The following KAZN variants were observed in gnomAD, a reference collection of about 807,000 sequenced individuals.
The protein encoded by KAZN is kazrin.
A neutral mutation model predicts 87.4 loss-of-function variants in KAZN; 40 were observed. That is an observed-to-expected ratio of 0.46 (90% CI 0.36 to 0.60). The LOEUF (loss-of-function observed/expected upper bound fraction) is 0.60, where lower values mean the gene tolerates loss of function less well. Ranked by LOEUF, KAZN falls within the 20% of genes least tolerant of loss-of-function variation. KAZN has a pLI of 0.00. For missense variants in KAZN, 898 were observed against 1,073.9 expected (o/e 0.84, Z 2.29); for synonymous variants, 466 against 458.3 (o/e 1.02, Z -0.22).
intron 2 of KAZN, among the ~76,000 whole-genome samples, chr1:14,297,982 T>C (rs1172102999): frequency 6.6e-6 from 1 of 152,078 alleles, no homozygotes; most frequent in Non-Finnish European, 1.5e-5. Flanking sequence ...TCCCAGCACT[T>C]TGGGAGGCCG....
At position 15,024,130 on chromosome 1, in the gene KAZN, C is replaced by A. The variant is rs183542328; in HGVS notation, c.419-10619C>A. 4.6e-3 allele frequency among the ~76,000 whole-genome samples: 699 copies of A among 152,148 alleles called. 4 individuals are homozygous for A. Among genetic ancestry groups the A allele is most frequent in the African/African-American group, 0.016 (657 of 41,498 alleles). On this transcript the variant is annotated intron_variant, in intron 2 of 14. Coordinates refer to ENST00000376030, the MANE Select transcript of KAZN (RefSeq NM_201628.3). The stretch of plus-strand genomic sequence containing the variant: ...TTCAGGGATGAGGTCCAGGCTGAAG[C>A]CTGTGGTTGGACTGAAGCCACCAAT...
intron 1 of KAZN, among the ~76,000 whole-genome samples, chr1:14,113,002 G>A (rs1644532727): frequency 6.6e-6 from 1 of 152,206 alleles, no homozygotes; most frequent in African/African-American, 2.4e-5. Flanking sequence ...TTGCCCAAGT[G>A]TCTAAAGTGA....
At chr1:14,706,253 T>A (rs1642202479) in intron 1 of KAZN, among the ~76,000 whole-genome samples, 1 of 152,126 alleles carries the variant, frequency 6.6e-6, no homozygotes, top group African/African-American at 2.4e-5. Context: ...TATAATTATT[T>A]CATTATATAT....
chr1:14,827,695 G>A (rs1245287406), intron 1 of KAZN, among the ~76,000 whole-genome samples: 3 of 152,214 alleles, frequency 2.0e-5, no homozygotes, highest in African/African-American at 7.2e-5. Flanking sequence ...TGGCCCTTTG[G>A]AGAATGTTCA....
At chr1:14,680,128 T>C (rs753385263) in intron 1 of KAZN, among the ~76,000 whole-genome samples, 1 of 152,200 alleles carries the variant, frequency 6.6e-6, no homozygotes, top group Admixed American at 6.5e-5. Context: ...AGTGACTCTT[T>C]TTAAAATTAT....
At chr1:14,858,764 ACT>A (rs1048484416) in intron 1 of KAZN, among the ~76,000 whole-genome samples, 4 of 152,090 alleles carry the variant, frequency 2.6e-5, no homozygotes, top group Non-Finnish European at 4.4e-5. Context: ...CTATATTTGC[ACT>A]CTTATTCCAC....
At chr1:14,151,884 G>T (rs192863558) in intron 1 of KAZN, among the ~76,000 whole-genome samples, 98 of 152,220 alleles carry the variant, frequency 6.4e-4, no homozygotes, top group African/African-American at 2.1e-3. Flanking sequence ...GTTGTGGTAT[G>T]ACATTATGTA....
intron 1 of KAZN, among the ~76,000 whole-genome samples, chr1:14,761,890 C>CT (rs5772600): frequency 7.8e-4 from 109 of 138,882 alleles, no homozygotes; most frequent in South Asian, 2.1e-3. Context: ...GTGGCAGAGT[C>CT]TTTTTTTTTT....
At chr1:14,831,767 G>C (rs1048693191) in intron 1 of KAZN, among the ~76,000 whole-genome samples, 5 of 152,104 alleles carry the variant, frequency 3.3e-5, no homozygotes, top group Non-Finnish European at 5.9e-5. Context: ...GCTGAGGCTC[G>C]GGTGGGCCCT....
intron 8 of KAZN, among the ~76,000 whole-genome samples, chr1:15,074,396 G>T (rs1002504326): frequency 2.6e-5 from 4 of 152,304 alleles, no homozygotes; most frequent in Non-Finnish European, 4.4e-5. Context: ...TCCTCCAGGG[G>T]TCTCTGGGCT....
chr1:13,906,058 C>T (rs1282262042), intron 1 of KAZN, among the ~76,000 whole-genome samples: 1 of 152,100 alleles, frequency 6.6e-6, no homozygotes, highest in African/African-American at 2.4e-5. Flanking sequence ...AATTAGAGCC[C>T]ACTCGGATAA....
At chr1:15,061,601 C>G (rs1638800978) in intron 6 of KAZN, 1 of 152,194 alleles carries the variant, frequency 6.6e-6, no homozygotes, top group African/African-American at 2.4e-5. Flanking sequence ...CTCACTGCAA[C>G]CAACACCTTC....
intron 2 of KAZN, among the ~76,000 whole-genome samples, chr1:14,224,422 G>T (rs1450971055): frequency 6.6e-6 from 1 of 152,130 alleles, no homozygotes; most frequent in East Asian, 1.9e-4. Flanking sequence ...AATGTTATTT[G>T]GTGTTTAATG....
intron 1 of KAZN, among the ~76,000 whole-genome samples, chr1:14,745,568 G>A (rs990552683): frequency 3.9e-5 from 6 of 152,092 alleles, no homozygotes; most frequent in Non-Finnish European, 8.8e-5. Context: ...GCTTGGTATG[G>A]CAGAGTGCTC....
chr1:14,110,899 TTTTG>T lies in KAZN; in HGVS notation c.92-69530_92-69527del, dbSNP rs1644487656. 1.5e-5 allele frequency among the ~76,000 whole-genome samples: 2 copies of T among 135,458 alleles called. 1 individual carries two copies. Among genetic ancestry groups the T allele is most frequent in the East Asian group, 5.8e-4 (2 of 3,446 alleles). The allele number at this position is 135,458 out of a possible 152,430, so 88.9% of individuals were successfully genotyped here. A position where few individuals can be genotyped will look rare whatever the true frequency, so the allele number is the denominator to read the frequency against. ...AATATATATTACAATTAATTTTAAC[TTTTG>T]TTTGTGTGTGTTTTTTACTTTTTAA... On this transcript the variant is annotated intron_variant, in intron 1 of 16. Transcript: ENST00000636203.
chr1:14,737,118 G>A (rs1211980191), intron 1 of KAZN, among the ~76,000 whole-genome samples: 2 of 152,210 alleles, frequency 1.3e-5, no homozygotes, highest in African/African-American at 2.4e-5. Flanking sequence ...GGAGATCAGG[G>A]CCAGCCTCAC....
At chr1:14,171,973 TC>T (rs1258783962) in intron 1 of KAZN, among the ~76,000 whole-genome samples, 1 of 138,480 alleles carries the variant, frequency 7.2e-6, no homozygotes, top group Non-Finnish European at 1.5e-5. Context: ...GTCATTTTTT[TC>T]CTCTGCCAAC....
At chr1:14,874,797 C>T (rs901204600) in intron 1 of KAZN, among the ~76,000 whole-genome samples, 9 of 151,690 alleles carry the variant, frequency 5.9e-5, no homozygotes, top group South Asian at 4.2e-4. Flanking sequence ...TGCTCTTGGT[C>T]GAATGTTTCC....
chr1:14,421,883 C>T (rs945369703), intron 2 of KAZN, among the ~76,000 whole-genome samples: 5 of 152,270 alleles, frequency 3.3e-5, no homozygotes, highest in East Asian at 1.9e-4. Context: ...AAACTCTTCC[C>T]CTTGTCTGAA....
Sources: allele counts gnomAD v4.1 joint callset (sites outside exome capture counted in the v4.1 genomes callset), GRCh38; gene constraint gnomAD v4.1.1; transcripts MANE v1.5; gene names NCBI Gene and HGNC (gene_info 2026-07-23, HGNC 2026-07-21).